FRMPD2: variants seen among roughly 807,000 people sequenced by gnomAD.
FRMPD2 encodes the protein FERM and PDZ domain-containing protein 2.
A neutral mutation model predicts 140.1 loss-of-function variants in FRMPD2; 96 were observed. That is an observed-to-expected ratio of 0.69 (90% CI 0.58 to 0.81). The LOEUF is 0.81. FRMPD2 is among the 40% of genes least tolerant of loss of function. The probability of loss-of-function intolerance (pLI) is 0.00; values close to 1 mark genes in which losing one functional copy is unlikely to be tolerated. For synonymous variants in FRMPD2, 449 were observed against 547.6 expected, an observed-to-expected ratio of 0.82 and a Z score of 2.52; for missense variants, 1,240 against 1,447.4, an observed-to-expected ratio of 0.86 and a Z score of 2.32.
In FRMPD2 at chr10:48,253,416, C is replaced by A. The variant is rs559627910; in HGVS notation, c.26-1725G>T. 2.5e-3 allele frequency among the ~76,000 whole-genome samples: 388 copies of A among 152,218 alleles called. 2 individuals carry two copies. Among genetic ancestry groups the A allele is most frequent in the African/African-American group, 9.1e-3 (379 of 41,520 alleles). ...AAGGACTGCCCAATAAAATGAACAGCTGATTTCTCATCAAAAACCATGGAG... is the reference window on the plus strand; with the variant it reads ...AAGGACTGCCCAATAAAATGAACAGATGATTTCTCATCAAAAACCATGGAG... On this transcript the variant is annotated intron_variant, in intron 1 of 28. Transcript: ENST00000374201.
intron 1 of FRMPD2, among the ~76,000 whole-genome samples, chr10:48,271,126 G>A (rs17009540): frequency 3.3e-5 from 5 of 152,080 alleles, no homozygotes; most frequent in Admixed American, 6.6e-5. Flanking sequence ...CAGGCCCACC[G>A]CTTTGGACTG....
chr10:48,176,693 G>A (rs538012208), intron 22 of FRMPD2, among the ~76,000 whole-genome samples: 2 of 151,102 alleles, frequency 1.3e-5, no homozygotes, highest in Admixed American at 1.3e-4. Flanking sequence ...CCAAAATTTA[G>A]TCAGTTTTTC....
chr10:48,241,960 G>T (rs917305374), intron 5 of FRMPD2: 1 of 399,890 alleles, frequency 2.5e-6, no homozygotes, highest in African/African-American at 2.0e-5. Context: ...GAACTGCAAT[G>T]ACAAGAATGT....
chr10:48,242,094 T>G, intron 5 of FRMPD2, 67 bp downstream of exon 5: 1 of 1,109,694 alleles, frequency 9.0e-7, no homozygotes, highest in South Asian at 1.8e-5. Context: ...ATAATATAAC[T>G]AATTCAAATT....
chr10:48,183,366 A>G (rs1340055444), intron 20 of FRMPD2, among the ~76,000 whole-genome samples: 1 of 152,166 alleles, frequency 6.6e-6, no homozygotes, highest in Non-Finnish European at 1.5e-5. Flanking sequence ...GCCTACTCCC[A>G]TTACTTCCTC....
At chr10:48,265,394 C>G (rs1840661732) in intron 1 of FRMPD2, among the ~76,000 whole-genome samples, 2 of 152,074 alleles carry the variant, frequency 1.3e-5, no homozygotes, top group Admixed American at 1.3e-4. Context: ...AGAGCTTCTG[C>G]ACAGCAAAAT....
At chr10:48,226,270 A>G (rs1272587836) in intron 10 of FRMPD2, among the ~76,000 whole-genome samples, 1 of 152,196 alleles carries the variant, frequency 6.6e-6, no homozygotes, top group African/African-American at 2.4e-5. Flanking sequence ...CTTAATGCAA[A>G]TATCTCAAAG....
At chr10:48,244,698 G>C in intron 4 of FRMPD2, 86 bp downstream of exon 4, 1 of 1,007,834 alleles carries the variant, frequency 9.9e-7, no homozygotes, top group Non-Finnish European at 1.6e-6. Flanking sequence ...TGTGTGCTCA[G>C]TAAATGTGGT....
Position 48,181,917 on chromosome 10 carries a change from C to T in FRMPD2, c.2585-909G>A, listed in dbSNP as rs181373901. Among the ~76,000 whole-genome samples, 43 of 146,540 alleles carry T rather than the reference C, an allele frequency of 2.9e-4. No individual in the cohort carries two copies. The East Asian group carries it at 7.5e-3, about 26-fold the overall frequency. ...ACACACACACACACACACACAGACA[C>T]GCACAGCTTAGTACATGGTAGAGCC... On this transcript the variant is annotated intron_variant, in intron 20 of 28. Transcript: ENST00000374201.
chr10:48,191,025 A>G (rs1007402851), intron 16 of FRMPD2, among the ~76,000 whole-genome samples: 1 of 152,236 alleles, frequency 6.6e-6, no homozygotes, highest in African/African-American at 2.4e-5. Flanking sequence ...AGAAGTGGAG[A>G]CTATTTCTGC....
chr10:48,232,562 G>A (rs988152204), intron 9 of FRMPD2, among the ~76,000 whole-genome samples: 1 of 152,200 alleles, frequency 6.6e-6, no homozygotes, highest in African/African-American at 2.4e-5. Flanking sequence ...AAAGCTGGGA[G>A]GCCTGTCTGA....
At chr10:48,261,728 T>C (rs1394834291) in intron 1 of FRMPD2, among the ~76,000 whole-genome samples, 5 of 152,186 alleles carry the variant, frequency 3.3e-5, no homozygotes, top group Admixed American at 2.6e-4. Context: ...TTATTCTTAA[T>C]TGATCTAACA....
chr10:48,247,874 C>A (rs1478604314), intron 3 of FRMPD2, among the ~76,000 whole-genome samples: 1 of 152,154 alleles, frequency 6.6e-6, no homozygotes, highest in East Asian at 1.9e-4. Flanking sequence ...GTGATTCACC[C>A]CTGGGGTCCT....
At chr10:48,218,078 C>T (rs193125556) in intron 12 of FRMPD2, among the ~76,000 whole-genome samples, 125 of 152,258 alleles carry the variant, frequency 8.2e-4, no homozygotes, top group Middle Eastern at 3.4e-3. Context: ...GCAGAAAGCC[C>T]CCTTCTCCCT....
At chr10:48,191,076 C>A (rs1838819869) in intron 16 of FRMPD2, among the ~76,000 whole-genome samples, 1 of 152,190 alleles carries the variant, frequency 6.6e-6, no homozygotes, top group African/African-American at 2.4e-5. Context: ...TTTTAACCAG[C>A]AGTATGGCAG....
chr10:48,269,861 T>C (rs17009533), intron 1 of FRMPD2, among the ~76,000 whole-genome samples: 24,339 of 152,034 alleles, frequency 0.16, 4,463 homozygotes, highest in African/African-American at 0.45. Context: ...TGAAGGCTTG[T>C]CCAGAATCCC....
At chr10:48,191,873 A>G (rs1249428080) in intron 16 of FRMPD2, among the ~76,000 whole-genome samples, 1 of 152,220 alleles carries the variant, frequency 6.6e-6, no homozygotes, top group African/African-American at 2.4e-5. Flanking sequence ...GAAACTCATC[A>G]ATAGGAAAGG....
chr10:48,256,432 G>T (rs1840491793), intron 1 of FRMPD2, among the ~76,000 whole-genome samples: 1 of 152,168 alleles, frequency 6.6e-6, no homozygotes, highest in Admixed American at 6.5e-5. Context: ...ACTATATAGT[G>T]GCTTTTGAAC....
intron 20 of FRMPD2, 36 bp downstream of exon 20, chr10:48,184,530 A>G (rs1443651921): frequency 3.9e-6 from 5 of 1,274,074 alleles, no homozygotes; most frequent in South Asian, 1.2e-5. Flanking sequence ...AAAACAGGGG[A>G]GCCTCTTAAG....
Sources: allele counts gnomAD v4.1 joint callset (sites outside exome capture counted in the v4.1 genomes callset), GRCh38; gene constraint gnomAD v4.1.1; transcripts MANE v1.5; gene names NCBI Gene and HGNC (gene_info 2026-07-23, HGNC 2026-07-21).